The following SGK3 variants were observed in gnomAD, a reference collection of about 807,000 sequenced individuals.
The protein encoded by SGK3 is serum/glucocorticoid regulated kinase family member 3.
In SGK3, 47 loss-of-function variants were observed where a neutral mutation model predicts 68.5. That is an observed-to-expected ratio of 0.69 (90% confidence interval 0.54 to 0.87). The LOEUF is 0.87. Among genes scored for constraint, SGK3 ranks in the 40% least tolerant of loss-of-function variants. SGK3 has a pLI of 0.00. For missense variants in SGK3, 479 were observed against 575.5 expected, an observed-to-expected ratio of 0.83 and a Z score of 1.72; for synonymous variants, 181 against 189.1, an observed-to-expected ratio of 0.96 and a Z score of 0.35.
chr8:66,800,575 T>C (rs1807901833), intron 3 of SGK3, among the ~76,000 whole-genome samples: 1 of 152,004 alleles, frequency 6.6e-6, no homozygotes, highest in African/African-American at 2.4e-5. Flanking sequence ...AATTAAGAGA[T>C]AAATTCCTAA....
chr8:66,727,111 G>GT (rs1301008796), intron 1 of SGK3, among the ~76,000 whole-genome samples: 10 of 151,476 alleles, frequency 6.6e-5, no homozygotes, highest in South Asian at 2.1e-4. Flanking sequence ...ATTCCTTTTT[G>GT]TTTTTTTTGA....
intron 1 of SGK3, among the ~76,000 whole-genome samples, chr8:66,717,551 A>G (rs1804673565): frequency 6.6e-6 from 1 of 152,024 alleles, no homozygotes; most frequent in Non-Finnish European, 1.5e-5. Context: ...AGAAAACTGG[A>G]TTTCATATGT....
At chr8:66,816,148 C>A (rs1461839330) in intron 5 of SGK3, among the ~76,000 whole-genome samples, 1 of 151,908 alleles carries the variant, frequency 6.6e-6, no homozygotes, top group African/African-American at 2.4e-5. Flanking sequence ...TACAGGGGCG[C>A]ACCACCACGC....
intron 1 of SGK3, among the ~76,000 whole-genome samples, chr8:66,749,031 G>A (rs1805729714): frequency 6.6e-6 from 1 of 151,940 alleles, no homozygotes; most frequent in South Asian, 2.1e-4. Context: ...AGTAGCTCTG[G>A]GACTACAGGC....
At chr8:66,843,222 G>GT (rs1242968239) in intron 13 of SGK3, among the ~76,000 whole-genome samples, 1 of 152,068 alleles carries the variant, frequency 6.6e-6, no homozygotes, top group Non-Finnish European at 1.5e-5. Flanking sequence ...TATTTTAACT[G>GT]TATCACAGTT....
rs1346794459 is a variant in SGK3, at chr8:66,839,553, ATATATT to A, written c.742-448_742-443del. Among the ~76,000 whole-genome samples, 25 of 74,050 alleles carry A rather than the reference ATATATT, an allele frequency of 3.4e-4. 1 individual carries two copies. The highest frequency in any genetic ancestry group is 9.8e-4 in the African/African-American group (14 of 14,300). The allele number at this position is 74,050 out of a possible 152,430, so 48.6% of individuals were successfully genotyped here. Reference sequence around the variant, plus strand: ...TATATATATATATATATATATATATATATATTTTCATATGGGTTATATTTGTTCTGC... The same window carrying A: ...TATATATATATATATATATATATATATTCATATGGGTTATATTTGTTCTGC... On this transcript the variant is annotated intron_variant, in intron 10 of 16. Coordinates refer to ENST00000521198, the MANE Select transcript of SGK3 (RefSeq NM_001033578.3).
At chr8:66,770,190 G>A (rs1395444556) in intron 1 of SGK3, among the ~76,000 whole-genome samples, 13 of 152,078 alleles carry the variant, frequency 8.5e-5, no homozygotes, top group Admixed American at 7.9e-4. Context: ...TCGTGACCTC[G>A]TGATCCGCCT....
At position 66,851,532 on chromosome 8, in the gene SGK3, A is replaced by T. The variant is rs188467640; in HGVS notation, c.1320+612A>T. Among the ~76,000 whole-genome samples, 1,126 of 138,388 alleles carry T rather than the reference A, an allele frequency of 8.1e-3. 44 individuals are homozygous for T. Among genetic ancestry groups the T allele is most frequent in the East Asian group, 8.8e-3 (44 of 4,994 alleles). 90.8% of individuals were successfully genotyped at this position (138,388 alleles called of 152,430 possible). A position where few individuals can be genotyped will look rare whatever the true frequency, so the allele number is the denominator to read the frequency against. ...CGAGACCCTGTCTCAAAATAAAATT[A>T]AAAAAAAAAAAACAGGTATAGACAA... On this transcript the variant is annotated intron_variant, in intron 16 of 16. Coordinates refer to ENST00000521198, the MANE Select transcript of SGK3 (RefSeq NM_001033578.3).
intron 4 of SGK3, among the ~76,000 whole-genome samples, chr8:66,807,617 C>T (rs537945494): frequency 7.9e-5 from 12 of 152,218 alleles, no homozygotes; most frequent in Non-Finnish European, 1.6e-4. Context: ...TTCAGAAAAA[C>T]AGAGATGGAT....
chr8:66,729,270 C>T (rs1364710375), intron 1 of SGK3, among the ~76,000 whole-genome samples: 1 of 145,726 alleles, frequency 6.9e-6, no homozygotes. Context: ...TCCTGGCTAA[C>T]ACGGTGAAAC....
chr8:66,734,303 G>A (rs1375277770), intron 1 of SGK3, among the ~76,000 whole-genome samples: 3 of 145,060 alleles, frequency 2.1e-5, no homozygotes, highest in South Asian at 2.1e-4. Flanking sequence ...AGCATGATTG[G>A]TCATCTTGGT....
intron 3 of SGK3, among the ~76,000 whole-genome samples, chr8:66,799,258 G>A (rs571404380): frequency 5.9e-5 from 9 of 152,312 alleles, no homozygotes; most frequent in South Asian, 4.1e-4. Context: ...AGCCAGGCAC[G>A]ATGGTTCACA....
At chr8:66,766,119 G>T (rs1806309804) in intron 1 of SGK3, among the ~76,000 whole-genome samples, 1 of 152,014 alleles carries the variant, frequency 6.6e-6, no homozygotes, top group Non-Finnish European at 1.5e-5. Flanking sequence ...TGTGTGATTT[G>T]AATTGTTTTA....
intron 6 of SGK3, among the ~76,000 whole-genome samples, chr8:66,828,072 C>T (rs1178256571): frequency 2.6e-5 from 4 of 150,998 alleles, no homozygotes; most frequent in East Asian, 1.9e-4. Flanking sequence ...TGCAGTGAGC[C>T]GAGATCACGC....
In SGK3 at chr8:66,822,407, C is replaced by G. The variant is rs1585769606; in HGVS notation, c.365C>G (p.Pro122Arg). ...AGAGCATTCCTTCAAATGGACAGTCCAAAACACCAGTCAGATCCATCTGAA... is the reference window on the plus strand; with the variant it reads ...AGAGCATTCCTTCAAATGGACAGTCGAAAACACCAGTCAGATCCATCTGAA... The part of the protein sequence containing the change: ...DVRAFLQMDS[P>R]KHQSDPSEDE... Residue 122 changes from proline (P) to arginine (R), a missense_variant, in exon 6 of 17, where the codon CCA becomes CGA. Transcript: ENST00000521198. 6.2e-7 allele frequency: 1 copy of G among 1,610,650 alleles called. No homozygotes were observed. The highest frequency in any genetic ancestry group is 2.2e-5 in the East Asian group (1 of 44,680).
intron 4 of SGK3, among the ~76,000 whole-genome samples, chr8:66,811,625 G>A (rs2130635753): frequency 6.6e-6 from 1 of 152,282 alleles, no homozygotes; most frequent in East Asian, 1.9e-4. Context: ...GTAATGAAAT[G>A]GCAAGCCTAG....
chr8:66,853,217 T>G (rs987834178), intron 16 of SGK3, among the ~76,000 whole-genome samples: 1 of 152,190 alleles, frequency 6.6e-6, no homozygotes, highest in Non-Finnish European at 1.5e-5. Context: ...AAGTAGAACA[T>G]GGGCTCTGTC....
At position 66,830,550 on chromosome 8, in the gene SGK3, C is replaced by G. The variant is rs549982962; in HGVS notation, c.468-704C>G. 2.0e-5 allele frequency among the ~76,000 whole-genome samples: 3 copies of G among 152,330 alleles called. No individual in the cohort carries two copies. The South Asian group carries it at 6.2e-4, about 32-fold the overall frequency. On this transcript the variant is annotated intron_variant, in intron 7 of 16. Coordinates refer to ENST00000521198, the MANE Select transcript of SGK3 (RefSeq NM_001033578.3). The stretch of plus-strand genomic sequence containing the variant: ...ATGTTGGAGGAAACGGCTCTTTTGG[C>G]TGCTTAAGCTCCCCTTTCTGCTGCC...
chr8:66,783,586 T>G (rs1433870816), intron 1 of SGK3, among the ~76,000 whole-genome samples: 2 of 152,228 alleles, frequency 1.3e-5, no homozygotes, highest in African/African-American at 4.8e-5. Context: ...GATGCGATCT[T>G]GGCTCACTGC....
Sources: gnomAD v4.1 joint callset for allele counts (sites outside exome capture counted in the v4.1 genomes callset) on GRCh38, gnomAD v4.1.1 for gene constraint, MANE v1.5 for transcripts, NCBI Gene and HGNC (gene_info 2026-07-23, HGNC 2026-07-21) for gene names.